Variants in CADM2 observed in about 807,000 individuals in gnomAD.
CADM2 encodes cell adhesion molecule 2, also known as immunoglobulin superfamily member 4D.
In CADM2, 12 loss-of-function variants were observed where a neutral mutation model predicts 49.8. The ratio of observed to expected loss-of-function variants is 0.24; its 90% CI spans 0.15 to 0.39. CADM2 has a LOEUF of 0.39. Ranked by LOEUF, CADM2 falls within the 10% of genes least tolerant of loss-of-function variation. CADM2 has a pLI of 1.00. For missense variants in CADM2, 378 were observed against 492.3 expected, an observed-to-expected ratio of 0.77 and a Z score of 2.20; for synonymous variants, 214 against 175.4, an observed-to-expected ratio of 1.22 and a Z score of -1.74.
intron 8 of CADM2, chr3:86,014,160 C>A: frequency 7.8e-7 from 1 of 1,289,592 alleles, no homozygotes; most frequent in Non-Finnish European, 1.1e-6. Flanking sequence ...GGAACTCCTG[C>A]AAGCACTTGT....
At chr3:84,980,137 G>A (rs2032080230) in intron 1 of CADM2, among the ~76,000 whole-genome samples, 1 of 152,186 alleles carries the variant, frequency 6.6e-6, no homozygotes, top group Middle Eastern at 3.2e-3. Flanking sequence ...AATGCATAGT[G>A]TTTATAGGCG....
At chr3:85,352,447 A>G (rs1010301779) in intron 1 of CADM2, among the ~76,000 whole-genome samples, 25 of 152,096 alleles carry the variant, frequency 1.6e-4, no homozygotes, top group Non-Finnish European at 2.9e-5. Flanking sequence ...CAGCTAATTT[A>G]TTTTATGATT....
chr3:85,215,469 T>C (rs1386903570), intron 1 of CADM2, among the ~76,000 whole-genome samples: 4 of 152,002 alleles, frequency 2.6e-5, no homozygotes, highest in Non-Finnish European at 4.4e-5. Context: ...GAAGTCCTTT[T>C]TACTCTCTCC....
At chr3:86,056,279 A>C (rs1284250434) in intron 8 of CADM2, among the ~76,000 whole-genome samples, 1 of 152,184 alleles carries the variant, frequency 6.6e-6, no homozygotes, top group Non-Finnish European at 1.5e-5. Flanking sequence ...CAGAGCTAAA[A>C]AATTTCCTCA....
At chr3:85,695,878 C>T (rs1335785586) in intron 1 of CADM2, among the ~76,000 whole-genome samples, 2 of 152,028 alleles carry the variant, frequency 1.3e-5, no homozygotes, top group Non-Finnish European at 2.9e-5. Context: ...CAACCAGCAG[C>T]GTATAAGCAT....
chr3:85,354,418 G>T (rs2031660098), intron 1 of CADM2, among the ~76,000 whole-genome samples: 1 of 150,842 alleles, frequency 6.6e-6, no homozygotes, highest in South Asian at 2.1e-4. Flanking sequence ...ACGAGTTAAT[G>T]GGTGCAGCAC....
intron 2 of CADM2, among the ~76,000 whole-genome samples, chr3:85,783,043 A>G (rs1416128806): frequency 1.3e-5 from 2 of 152,184 alleles, no homozygotes; most frequent in East Asian, 3.9e-4. Flanking sequence ...ATATTAGTAC[A>G]TAAACAAAAT....
intron 8 of CADM2, among the ~76,000 whole-genome samples, chr3:85,962,751 A>G (rs1293384401): frequency 6.6e-6 from 1 of 151,930 alleles, no homozygotes; most frequent in Non-Finnish European, 1.5e-5. Flanking sequence ...TAGCCAATGT[A>G]AGATTTTCAT....
intron 1 of CADM2, among the ~76,000 whole-genome samples, chr3:85,479,254 T>A (rs965623124): frequency 6.6e-6 from 1 of 151,866 alleles, no homozygotes; most frequent in African/African-American, 2.4e-5. Flanking sequence ...GATATAATAC[T>A]CATGGAGTAT....
intron 1 of CADM2, among the ~76,000 whole-genome samples, chr3:85,572,277 ACT>A (rs1173858716): frequency 6.6e-6 from 1 of 152,040 alleles, no homozygotes; most frequent in African/African-American, 2.4e-5. Context: ...ACAGAGTAAG[ACT>A]CTGTGTAAAA....
intron 7 of CADM2, among the ~76,000 whole-genome samples, chr3:85,939,529 A>C (rs1366583405): frequency 6.8e-6 from 1 of 147,654 alleles, no homozygotes; most frequent in Non-Finnish European, 1.5e-5. Flanking sequence ...ATTACATTAA[A>C]GTCATGACCT....
rs79924692 is a variant in CADM2 at position 85,191,831 on chromosome 3, G to A, written c.61+232163G>A. 4.3e-3 allele frequency among the ~76,000 whole-genome samples: 657 copies of A among 152,104 alleles called. 3 individuals carry two copies. The highest frequency in any genetic ancestry group is 0.017 in the Middle Eastern group (5 of 294). ...TACAATGTTTTGTTAATTTCTGGAG[G>A]TGTTTATTCTAAACTAATTCAAAGC... is the stretch of plus-strand genomic sequence containing the variant. On this transcript the variant is annotated intron_variant, in intron 1 of 9. Coordinates refer to ENST00000383699, the MANE Select transcript of CADM2 (RefSeq NM_001167675.2).
intron 1 of CADM2, among the ~76,000 whole-genome samples, chr3:85,253,639 C>T (rs1454051447): frequency 2.0e-5 from 3 of 151,996 alleles, no homozygotes; most frequent in African/African-American, 7.2e-5. Flanking sequence ...TTTCTAATGT[C>T]CTCCAAGTTT....
At chr3:85,054,224 G>A (rs1246906997) in intron 1 of CADM2, among the ~76,000 whole-genome samples, 1 of 151,850 alleles carries the variant, frequency 6.6e-6, no homozygotes, top group African/African-American at 2.4e-5. Context: ...AAGTTTCATG[G>A]GGGATGAGAG....
chr3:85,781,036 A>G (rs1448777085), intron 2 of CADM2, among the ~76,000 whole-genome samples: 1 of 152,152 alleles, frequency 6.6e-6, no homozygotes, highest in East Asian at 1.9e-4. Flanking sequence ...CCAAGTCCCC[A>G]AAAGCAGATG....
chr3:85,534,533 A>C (rs767190725), intron 1 of CADM2, among the ~76,000 whole-genome samples: 4 of 152,168 alleles, frequency 2.6e-5, no homozygotes, highest in Non-Finnish European at 5.9e-5. Flanking sequence ...TTATTGCAAC[A>C]CAGTCACACT....
intron 1 of CADM2, among the ~76,000 whole-genome samples, chr3:84,970,431 C>CT (rs2031343668): frequency 6.6e-6 from 1 of 150,808 alleles, no homozygotes; most frequent in African/African-American, 2.4e-5. Flanking sequence ...TTTAAGAATA[C>CT]TTTTTCTAAA....
chr3:85,357,163 A>T (rs2107263157), intron 1 of CADM2, among the ~76,000 whole-genome samples: 1 of 152,264 alleles, frequency 6.6e-6, no homozygotes, highest in African/African-American at 2.4e-5. Flanking sequence ...CAAGATACCT[A>T]GTCCTTTATT....
intron 1 of CADM2, among the ~76,000 whole-genome samples, chr3:85,353,775 A>G (rs551059401): frequency 1.3e-5 from 2 of 152,116 alleles, no homozygotes; most frequent in East Asian, 3.9e-4. Context: ...ACCGAAATCA[A>G]TGCACCTAAA....
Sources: allele counts gnomAD v4.1 joint callset (sites outside exome capture counted in the v4.1 genomes callset), GRCh38; gene constraint gnomAD v4.1.1; transcripts MANE v1.5; gene names NCBI Gene and HGNC (gene_info 2026-07-23, HGNC 2026-07-21).